Variants in NUCB1 observed in about 807,000 individuals in gnomAD.
NUCB1 encodes the protein nucleobindin 1.
NUCB1 carries 47 observed loss-of-function variants against 61.2 expected under a neutral mutation model. The observed-to-expected ratio is 0.77, with a 90% confidence interval of 0.61 to 0.98. The LOEUF (loss-of-function observed/expected upper bound fraction) is 0.98, where lower values mean the gene tolerates loss of function less well. Ranked by LOEUF, NUCB1 falls within the 50% of genes least tolerant of loss-of-function variation. NUCB1 has a pLI of 0.00. For synonymous variants in NUCB1, 234 were observed against 243.1 expected (o/e 0.96, Z 0.35); for missense variants, 583 against 605.3 (o/e 0.96, Z 0.39).
In NUCB1 at chr19:48,921,332, C is replaced by G. The variant is rs978840241; in HGVS notation, c.1173+8C>G. 1 of 1,572,068 alleles carries G rather than the reference C, an allele frequency of 6.4e-7. No homozygotes were observed. On this transcript the variant is annotated splice_region_variant and intron_variant, in intron 11 of 12. Transcript: ENST00000405315. The stretch of plus-strand genomic sequence containing the variant: ...AAGAGAGAGCTGCAGCAGGTGACAG[C>G]GGGGGAAGCTGCTTCCATCCACTGA...
intron 7 of NUCB1, among the ~76,000 whole-genome samples, chr19:48,913,870 G>C (rs1437902902): frequency 6.6e-6 from 1 of 152,122 alleles, no homozygotes; most frequent in Non-Finnish European, 1.5e-5. Flanking sequence ...CCCAGGAGAA[G>C]CCCTGGTCCA....
At chr19:48,913,851 C>T (rs1224430719) in intron 7 of NUCB1, among the ~76,000 whole-genome samples, 2 of 152,190 alleles carry the variant, frequency 1.3e-5, no homozygotes, top group African/African-American at 4.8e-5. Context: ...GGCCCTCTGC[C>T]CACAGCAGCC....
At position 48,916,488 on chromosome 19, in the gene NUCB1, C is replaced by T. The variant is rs942418375; in HGVS notation, c.758-2238C>T. 4.3e-4 allele frequency among the ~76,000 whole-genome samples: 65 copies of T among 152,062 alleles called. 1 individual carries two copies. The highest frequency in any genetic ancestry group is 4.2e-3 in the Admixed American group (64 of 15,244). ...TACAAAAATTAGCTGGGTGTGGTGGCGTGCATCTGTAGTCCCAGCTCCTTG... is the reference window on the plus strand; with the variant it reads ...TACAAAAATTAGCTGGGTGTGGTGGTGTGCATCTGTAGTCCCAGCTCCTTG... On this transcript the variant is annotated intron_variant, in intron 7 of 12. Coordinates refer to ENST00000405315, the MANE Select transcript of NUCB1 (RefSeq NM_006184.6).
chr19:48,912,513 T>G, intron 5 of NUCB1, among the ~76,000 whole-genome samples: 1 of 151,918 alleles, frequency 6.6e-6, no homozygotes, highest in East Asian at 1.9e-4. Context: ...AAGTGTGTTA[T>G]GGGGCAGGAG....
chr19:48,903,766 ATGAG>A (rs2037380107), intron 2 of NUCB1, among the ~76,000 whole-genome samples: 1 of 120,482 alleles, frequency 8.3e-6, no homozygotes, highest in Non-Finnish European at 1.7e-5. Flanking sequence ...GGGTGGGTGG[ATGAG>A]TGGATGGATG....
chr19:48,915,588 C>T (rs866972017), intron 7 of NUCB1, among the ~76,000 whole-genome samples: 10 of 152,220 alleles, frequency 6.6e-5, no homozygotes, highest in Non-Finnish European at 1.5e-4. Context: ...GCAGCCTTGA[C>T]CACCCAGGTT....
At chr19:48,902,261 C>T (rs538985201) in intron 2 of NUCB1, among the ~76,000 whole-genome samples, 1 of 152,142 alleles carries the variant, frequency 6.6e-6, no homozygotes, top group Non-Finnish European at 1.5e-5. Context: ...CAGGCGCACA[C>T]CACCACGCCC....
At chr19:48,914,298 G>C (rs2037515378) in intron 7 of NUCB1, among the ~76,000 whole-genome samples, 1 of 151,796 alleles carries the variant, frequency 6.6e-6, no homozygotes, top group East Asian at 1.9e-4. Flanking sequence ...CTCTATGGTG[G>C]ATCAAAGGCA....
At chr19:48,904,773 C>A (rs1230147715) in intron 3 of NUCB1, among the ~76,000 whole-genome samples, 1 of 152,152 alleles carries the variant, frequency 6.6e-6, no homozygotes, top group Admixed American at 6.6e-5. Flanking sequence ...CCTCCCATCT[C>A]GGCTTCCCAA....
At chr19:48,918,411 A>T (rs1219160165) in intron 7 of NUCB1, 2 of 273,856 alleles carry the variant, frequency 7.3e-6, no homozygotes, top group African/African-American at 4.4e-5. Flanking sequence ...GGTCCCTGAT[A>T]ACCCTGGAGC....
chr19:48,916,393 G>A (rs60165410), intron 7 of NUCB1, among the ~76,000 whole-genome samples: 5,518 of 151,458 alleles, frequency 0.036, 339 homozygotes, highest in African/African-American at 0.12. Context: ...CGAGGTGGGT[G>A]GATCCCTTGA....
intron 4 of NUCB1, among the ~76,000 whole-genome samples, 191 bp downstream of exon 4, chr19:48,906,076 T>C (rs1029395721): frequency 2.6e-5 from 4 of 152,150 alleles, no homozygotes; most frequent in African/African-American, 9.7e-5. Flanking sequence ...ACAATGTTGT[T>C]TGTTTATATT....
rs899533923 is a variant in NUCB1 at position 48,911,365 on chromosome 19, G to A, written c.480+113G>A. ...ACCATTCCTGCTGGTGTTCTCTGAG[G>A]TTGGAGGCTGGTAGAGGGCTGAGTC... On this transcript the variant is annotated intron_variant, in intron 5 of 12. Coordinates refer to ENST00000405315, the MANE Select transcript of NUCB1 (RefSeq NM_006184.6). 350 of 704,870 alleles carry A rather than the reference G, an allele frequency of 5.0e-4. 2 individuals carry two copies. Among genetic ancestry groups the A allele is most frequent in the Middle Eastern group, 3.8e-4 (1 of 2,618 alleles). The allele number at this position is 704,870 out of a possible 1,614,324, so 43.7% of individuals were successfully genotyped here. A position where few individuals can be genotyped will look rare whatever the true frequency, so the allele number is the denominator to read the frequency against.
chr19:48,912,862 A>AT, intron 5 of NUCB1, 149 bp from the exon 6 acceptor site: 4 of 399,504 alleles, frequency 1.0e-5, no homozygotes, highest in East Asian at 4.1e-5. Flanking sequence ...AAAAAAAAAA[A>AT]GGGACATTAG....
intron 2 of NUCB1, 186 bp downstream of exon 2, chr19:48,901,117 C>A: frequency 1.6e-6 from 1 of 641,672 alleles, no homozygotes; most frequent in Non-Finnish European, 2.8e-6. Context: ...GTCCCTGACT[C>A]TGAGGTGTGG....
At chr19:48,914,276 C>G (rs1341851009) in intron 7 of NUCB1, among the ~76,000 whole-genome samples, 2 of 151,766 alleles carry the variant, frequency 1.3e-5, no homozygotes, top group African/African-American at 2.4e-5. Context: ...CGCCCGGCCT[C>G]GAAAGCCCTT....
intron 5 of NUCB1, 124 bp from the exon 6 acceptor site, chr19:48,912,887 G>T: frequency 1.9e-6 from 1 of 519,518 alleles, no homozygotes; most frequent in Non-Finnish European, 3.3e-6. Flanking sequence ...CGAGACGTAA[G>T]AAAGACAGGT....
chr19:48,908,728 G>A (rs1367387453), intron 4 of NUCB1, among the ~76,000 whole-genome samples: 1 of 139,586 alleles, frequency 7.2e-6, no homozygotes, highest in Non-Finnish European at 1.5e-5. Flanking sequence ...AGGGGTGTGT[G>A]TGTGTGTGTG....
rs144668575 is a variant in NUCB1 at position 48,907,822 on chromosome 19, G to A, written c.376+1937G>A. Among the ~76,000 whole-genome samples the A allele has an allele frequency of 1.8e-3, 258 of 146,132 alleles. 1 individual carries two copies. Among genetic ancestry groups the A allele is most frequent in the Middle Eastern group, 6.9e-3 (2 of 288 alleles). On this transcript the variant is annotated intron_variant, in intron 4 of 12. Transcript: ENST00000405315. ...GCCTGGGTGGACCTTGGCCACACCC[G>A]CCCAACCCTGCCCTTCCCGTATGCA...
Sources: allele counts gnomAD v4.1 joint callset (sites outside exome capture counted in the v4.1 genomes callset), GRCh38; gene constraint gnomAD v4.1.1; transcripts MANE v1.5; gene names NCBI Gene and HGNC (gene_info 2026-07-23, HGNC 2026-07-21).